The following CDH18 variants were observed in gnomAD, a reference collection of about 807,000 sequenced individuals.
CDH18 encodes cadherin-18.
Under a neutral mutation model 67.9 loss-of-function variants are expected in CDH18, and 31 were observed. The ratio of observed to expected loss-of-function variants is 0.46; its 90% confidence interval spans 0.34 to 0.62. The LOEUF is 0.62. CDH18 is among the 20% of genes least tolerant of loss of function. The probability of loss-of-function intolerance (pLI) is 0.01; values close to 1 mark genes in which losing one functional copy is unlikely to be tolerated. For missense variants in CDH18, 890 were observed against 975.5 expected (o/e 0.91, Z 1.17); for synonymous variants, 362 against 347.2 (o/e 1.04, Z -0.48).
intron 2 of CDH18, among the ~76,000 whole-genome samples, chr5:20,093,625 G>A (rs1436187803): frequency 6.6e-6 from 1 of 151,944 alleles, no homozygotes; most frequent in Non-Finnish European, 1.5e-5. Context: ...TAAAATAAAG[G>A]TATAAAACTA....
chr5:20,431,981 T>G (rs1237021602), intron 1 of CDH18, among the ~76,000 whole-genome samples: 1 of 152,152 alleles, frequency 6.6e-6, no homozygotes, highest in Non-Finnish European at 1.5e-5. Context: ...TAATCAGTAT[T>G]TGCCTCACTT....
At chr5:20,113,085 C>T (rs1747615644) in intron 2 of CDH18, among the ~76,000 whole-genome samples, 1 of 152,140 alleles carries the variant, frequency 6.6e-6, no homozygotes. Flanking sequence ...TAAAGGTGAA[C>T]ACAAATGCTA....
intron 2 of CDH18, among the ~76,000 whole-genome samples, chr5:19,918,878 TG>T (rs140155734): frequency 0.025 from 3,876 of 152,212 alleles, 100 homozygotes; most frequent in African/African-American, 0.057. Flanking sequence ...ACCTCTTTCA[TG>T]CACATCCCAG....
chr5:20,485,588 A>T (rs1050037171), intron 1 of CDH18, among the ~76,000 whole-genome samples: 19 of 151,382 alleles, frequency 1.3e-4, no homozygotes, highest in African/African-American at 4.6e-4. Flanking sequence ...ATTTCAAATT[A>T]ATTTAGCCTT....
intron 1 of CDH18, among the ~76,000 whole-genome samples, chr5:20,274,438 A>C (rs1745655942): frequency 6.6e-6 from 1 of 152,172 alleles, no homozygotes; most frequent in Non-Finnish European, 1.5e-5. Context: ...AATAGAATGC[A>C]TAGTGAGAGA....
intron 2 of CDH18, among the ~76,000 whole-genome samples, chr5:20,182,202 GT>G (rs938836746): frequency 6.6e-6 from 1 of 151,066 alleles, no homozygotes; most frequent in East Asian, 2.0e-4. Context: ...TCGATAACTT[GT>G]TTTTTTTTGC....
At chr5:20,444,322 A>T (rs1749845212) in intron 1 of CDH18, among the ~76,000 whole-genome samples, 1 of 152,228 alleles carries the variant, frequency 6.6e-6, no homozygotes, top group Non-Finnish European at 1.5e-5. Context: ...TCAAGTTTAA[A>T]AGGTGTGAGG....
chr5:20,321,542 A>ATTCTTG (rs1163676308), intron 1 of CDH18, among the ~76,000 whole-genome samples: 1 of 152,054 alleles, frequency 6.6e-6, no homozygotes, highest in Non-Finnish European at 1.5e-5. Context: ...TAAAAGCTTT[A>ATTCTTG]TTCTTGTATA....
intron 2 of CDH18, among the ~76,000 whole-genome samples, chr5:20,075,287 G>C (rs764230214): frequency 1.3e-5 from 2 of 152,076 alleles, no homozygotes; most frequent in Non-Finnish European, 2.9e-5. Flanking sequence ...GGTGGATCAC[G>C]AGGTCAGGAG....
chr5:19,489,813 C>A (rs1009848943), intron 11 of CDH18, among the ~76,000 whole-genome samples: 5 of 152,090 alleles, frequency 3.3e-5, no homozygotes, highest in Admixed American at 1.3e-4. Context: ...TGAAGAATAT[C>A]AGGAAATGTG....
At chr5:19,822,579 C>T (rs970075808) in intron 3 of CDH18, among the ~76,000 whole-genome samples, 1 of 152,080 alleles carries the variant, frequency 6.6e-6, no homozygotes, top group African/African-American at 2.4e-5. Flanking sequence ...TTCCGTGATG[C>T]CCCACAAGCC....
chr5:19,699,027 A>T (rs1762884990), intron 5 of CDH18, among the ~76,000 whole-genome samples: 1 of 152,124 alleles, frequency 6.6e-6, no homozygotes, highest in Non-Finnish European at 1.5e-5. Flanking sequence ...CTTAACCCTA[A>T]TCAGCATTTC....
At chr5:20,112,637 C>T (rs1185686505) in intron 2 of CDH18, among the ~76,000 whole-genome samples, 3 of 152,112 alleles carry the variant, frequency 2.0e-5, no homozygotes, top group South Asian at 4.1e-4. Context: ...TTGCTTGAAC[C>T]CTGCAGGCAG....
intron 4 of CDH18, among the ~76,000 whole-genome samples, chr5:19,744,536 ACAC>A (rs1314339828): frequency 7.9e-5 from 12 of 151,816 alleles, no homozygotes; most frequent in African/African-American, 2.7e-4. Flanking sequence ...ACACACACAC[ACAC>A]ATCTATTCCA....
chr5:19,574,401 T>C (rs1334484291), intron 7 of CDH18, among the ~76,000 whole-genome samples: 2 of 152,130 alleles, frequency 1.3e-5, no homozygotes, highest in African/African-American at 4.8e-5. Flanking sequence ...AGTAGATTAT[T>C]TTAGGTTGGG....
intron 9 of CDH18, among the ~76,000 whole-genome samples, chr5:19,536,468 T>G (rs944253463): frequency 6.6e-6 from 1 of 152,186 alleles, no homozygotes. Flanking sequence ...AGGATTAAGC[T>G]GAAAACAGAG....
At chr5:20,202,681 A>C (rs1739547055) in intron 2 of CDH18, among the ~76,000 whole-genome samples, 1 of 151,112 alleles carries the variant, frequency 6.6e-6, no homozygotes, top group South Asian at 2.1e-4. Flanking sequence ...TTTTTTTTGC[A>C]TTTTGCTAGG....
At chr5:20,542,422 T>C (rs905843272) in intron 1 of CDH18, among the ~76,000 whole-genome samples, 1 of 151,596 alleles carries the variant, frequency 6.6e-6, no homozygotes, top group Non-Finnish European at 1.5e-5. Context: ...AGCATTATAG[T>C]ATATAAATAC....
intron 5 of CDH18, among the ~76,000 whole-genome samples, chr5:19,661,522 A>C (rs1757176432): frequency 6.6e-6 from 1 of 151,974 alleles, no homozygotes. Flanking sequence ...AAAACTAGGG[A>C]GAGGGTATAT....
Sources: allele counts gnomAD v4.1 joint callset (sites outside exome capture counted in the v4.1 genomes callset), GRCh38; gene constraint gnomAD v4.1.1; transcripts MANE v1.5; gene names NCBI Gene and HGNC (gene_info 2026-07-23, HGNC 2026-07-21).